PPARGC1A: variants seen among roughly 807,000 people sequenced by gnomAD.
The protein encoded by PPARGC1A is peroxisome proliferator-activated receptor gamma coactivator 1-alpha.
A neutral mutation model predicts 88.7 loss-of-function variants in PPARGC1A; 25 were observed. That is an observed-to-expected ratio of 0.28 (90% CI 0.21 to 0.39). PPARGC1A has a LOEUF of 0.39. Among genes scored for constraint, PPARGC1A ranks in the 10% least tolerant of loss-of-function variants. PPARGC1A has a pLI of 1.00. For missense variants in PPARGC1A, 880 were observed against 968.7 expected (o/e 0.91, Z 1.22); for synonymous variants, 363 against 355.6 (o/e 1.02, Z -0.24).
At chr4:23,982,656 C>A in the PPARGC1A span, among the ~76,000 whole-genome samples, 1 of 152,070 alleles carries the variant, frequency 6.6e-6, no homozygotes, top group African/African-American at 2.4e-5. Flanking sequence ...ATAAAAAAGA[C>A]CTGAGTTTAA....
chr4:24,269,741 A>G, the PPARGC1A span, among the ~76,000 whole-genome samples: 109 of 152,280 alleles, frequency 7.2e-4, no homozygotes, highest in African/African-American at 2.6e-3. Flanking sequence ...CCTGCTGACA[A>G]TCACAAAGGA....
the PPARGC1A span, among the ~76,000 whole-genome samples, chr4:24,231,800 G>A: frequency 6.6e-6 from 1 of 151,432 alleles, no homozygotes; most frequent in African/African-American, 2.4e-5. Context: ...AAATATAATA[G>A]TGCCAGAGTG....
the PPARGC1A span, among the ~76,000 whole-genome samples, chr4:24,007,992 C>A: frequency 2.0e-5 from 3 of 152,156 alleles, no homozygotes; most frequent in African/African-American, 7.2e-5. Flanking sequence ...GCAGTGACAT[C>A]TTGGGAGCAA....
At chr4:24,390,016 G>A in the PPARGC1A span, among the ~76,000 whole-genome samples, 1 of 152,062 alleles carries the variant, frequency 6.6e-6, no homozygotes, top group African/African-American at 2.4e-5. Context: ...AGTTTTTAAT[G>A]GTATAGTAAA....
chr4:24,101,468 T>G, the PPARGC1A span, among the ~76,000 whole-genome samples: 1 of 152,218 alleles, frequency 6.6e-6, no homozygotes, highest in South Asian at 2.1e-4. Context: ...TAAGTGTGCC[T>G]ATCAGAAATG....
At chr4:24,175,297 G>T in the PPARGC1A span, among the ~76,000 whole-genome samples, 1 of 151,220 alleles carries the variant, frequency 6.6e-6, no homozygotes, top group Non-Finnish European at 1.5e-5. Context: ...ATAAAGAGAT[G>T]ATCCCATTTT....
the PPARGC1A span, among the ~76,000 whole-genome samples, chr4:24,470,776 C>T: frequency 6.6e-6 from 1 of 151,588 alleles, no homozygotes; most frequent in Admixed American, 6.6e-5. This position sits in a 1 kb window ranked among gnomAD's most constrained non-coding sequence, Gnocchi z 5.8. Flanking sequence ...CTGCTGCTGC[C>T]GCGGCGGCGG....
the PPARGC1A span, among the ~76,000 whole-genome samples, chr4:24,238,755 G>A: frequency 1.7e-5 from 2 of 120,532 alleles, no homozygotes; most frequent in South Asian, 2.6e-4. Flanking sequence ...ATGTGTGTGT[G>A]TGTGTGTGTG....
the PPARGC1A span, among the ~76,000 whole-genome samples, chr4:24,021,551 T>C: frequency 4.6e-5 from 3 of 64,948 alleles, no homozygotes; most frequent in East Asian, 5.6e-4. Flanking sequence ...CATAGATATA[T>C]CACAAAAAAA....
chr4:24,354,476 G>A, the PPARGC1A span, among the ~76,000 whole-genome samples: 1 of 152,154 alleles, frequency 6.6e-6, no homozygotes, highest in Non-Finnish European at 1.5e-5. Flanking sequence ...GCTGGAACCT[G>A]GAAATCATGG....
chr4:23,878,121 G>A (rs891427032), intron 2 of PPARGC1A, among the ~76,000 whole-genome samples: 40 of 152,220 alleles, frequency 2.6e-4, no homozygotes, highest in Non-Finnish European at 5.0e-4. Flanking sequence ...TCCAGGCAGA[G>A]TAACTTTGAT....
the PPARGC1A span, among the ~76,000 whole-genome samples, chr4:23,995,878 A>G: frequency 6.6e-6 from 1 of 152,192 alleles, no homozygotes; most frequent in Non-Finnish European, 1.5e-5. Context: ...GATTAGCTGA[A>G]TAAATCCATA....
At chr4:24,424,250 TAC>T in the PPARGC1A span, among the ~76,000 whole-genome samples, 2 of 132,508 alleles carry the variant, frequency 1.5e-5, no homozygotes, top group Non-Finnish European at 1.6e-5. Flanking sequence ...AGCAATGCTA[TAC>T]ACACACTTTT....
At chr4:23,870,642 T>A (rs1713105476) in intron 2 of PPARGC1A, among the ~76,000 whole-genome samples, 1 of 152,172 alleles carries the variant, frequency 6.6e-6, no homozygotes, top group Non-Finnish European at 1.5e-5. Context: ...AAGCGTTAAG[T>A]GAGGGGTGAA....
the PPARGC1A span, among the ~76,000 whole-genome samples, chr4:23,999,116 A>G: frequency 6.6e-6 from 1 of 152,046 alleles, no homozygotes; most frequent in Non-Finnish European, 1.5e-5. Flanking sequence ...CATATGTAGT[A>G]CTCCTAGCAA....
chr4:24,122,428 TATATATATAGAGAGAG>T, the PPARGC1A span, among the ~76,000 whole-genome samples: 1 of 141,746 alleles, frequency 7.1e-6, no homozygotes, highest in Non-Finnish European at 1.5e-5. Flanking sequence ...TATATATATA[TATATATATAGAGAGAG>T]AGAGAGAGAG....
the PPARGC1A span, among the ~76,000 whole-genome samples, chr4:23,976,307 G>A: frequency 6.0e-4 from 91 of 152,306 alleles, no homozygotes; most frequent in African/African-American, 2.1e-3. Flanking sequence ...GAGGAGTAGA[G>A]CTGATCTCTG....
intron 7 of PPARGC1A, among the ~76,000 whole-genome samples, chr4:23,821,520 G>A (rs1338983416): frequency 1.3e-5 from 2 of 152,034 alleles, no homozygotes; most frequent in African/African-American, 4.8e-5. Context: ...CTTCATATAT[G>A]AGATTGCCAA....
chr4:23,883,090 G>C (rs1388349921), intron 2 of PPARGC1A: 1 of 152,138 alleles, frequency 6.6e-6, no homozygotes, highest in Non-Finnish European at 1.5e-5. Flanking sequence ...CTTGACAAGT[G>C]TACTGAGTGA....
Sources: gnomAD v4.1 joint callset for allele counts (sites outside exome capture counted in the v4.1 genomes callset) on GRCh38, gnomAD v4.1.1 for gene constraint, Gnocchi (gnomAD v3.1) non-coding constraint, MANE v1.5 for transcripts, NCBI Gene and HGNC (gene_info 2026-07-23, HGNC 2026-07-21) for gene names.